Variants in CMSS1 observed in about 807,000 individuals in gnomAD.
CMSS1 encodes the protein cms1 ribosomal small subunit homolog.
Under a neutral mutation model 43.5 loss-of-function variants are expected in CMSS1, and 33 were observed. The observed-to-expected ratio is 0.76, with a 90% CI of 0.57 to 1.01. The LOEUF is 1.01. Among genes scored for constraint, CMSS1 ranks in the 50% least tolerant of loss-of-function variants. The pLI is 0.00. For synonymous variants in CMSS1, 115 were observed against 117.2 expected (o/e 0.98, Z 0.12); for missense variants, 313 against 326.4 (o/e 0.96, Z 0.32).
chr3:99,983,460 G>GTATA (rs1709214926), intron 1 of CMSS1, among the ~76,000 whole-genome samples: 2 of 69,492 alleles, frequency 2.9e-5, no homozygotes, highest in African/African-American at 2.1e-4. Context: ...ATATATATAT[G>GTATA]TGTGTATATA....
At chr3:100,141,199 G>C (rs1463704043) in intron 1 of CMSS1, among the ~76,000 whole-genome samples, 1 of 152,192 alleles carries the variant, frequency 6.6e-6, no homozygotes, top group African/African-American at 2.4e-5. Context: ...TGCCCACTTT[G>C]TGTCAGAATG....
chr3:99,929,851 C>T, intron 1 of CMSS1: 3 of 1,608,442 alleles, frequency 1.9e-6, no homozygotes, highest in Non-Finnish European at 2.5e-6. Flanking sequence ...TATTGTGGTA[C>T]ATACCTCATT....
Position 100,167,726 on chromosome 3 carries a change from T to A in CMSS1, c.416-12T>A. 1 of 1,579,862 alleles carries A rather than the reference T, an allele frequency of 6.3e-7. No homozygotes were observed. Among genetic ancestry groups the A allele is most frequent in the Non-Finnish European group, 8.7e-7 (1 of 1,154,928 alleles). On this transcript the variant is annotated splice_polypyrimidine_tract_variant and intron_variant, in intron 5 of 9. Transcript: ENST00000421999. ...CATATTTCAAATAATTGTTTTCTGTTCTTTTTTCCAGTTTGTCCTAAGTGG... is the reference window on the plus strand; with the variant it reads ...CATATTTCAAATAATTGTTTTCTGTACTTTTTTCCAGTTTGTCCTAAGTGG...
At chr3:99,882,560 ATCT>A (rs1218325910) in intron 1 of CMSS1, among the ~76,000 whole-genome samples, 2 of 152,208 alleles carry the variant, frequency 1.3e-5, no homozygotes, top group Admixed American at 6.5e-5. Context: ...AAAACATCTG[ATCT>A]TCTTATTGCC....
At position 99,866,450 on chromosome 3, in the gene CMSS1, C is replaced by T. The variant is rs147513926; in HGVS notation, c.64+48407C>T. Among the ~76,000 whole-genome samples the T allele has an allele frequency of 4.5e-3, 685 of 152,252 alleles. 7 individuals are homozygous for T. Among genetic ancestry groups the T allele is most frequent in the African/African-American group, 0.016 (672 of 41,566 alleles). On this transcript the variant is annotated intron_variant, in intron 1 of 9. Coordinates refer to ENST00000421999, the MANE Select transcript of CMSS1 (RefSeq NM_032359.4). ...AGATGCCTATGTTTTACTGTGACTACTGAAGTCACAGTTTGCCATAGAAAC... is the reference window on the plus strand; with the variant it reads ...AGATGCCTATGTTTTACTGTGACTATTGAAGTCACAGTTTGCCATAGAAAC...
intron 1 of CMSS1, chr3:99,830,287 T>G (rs776899934): frequency 1.2e-5 from 4 of 344,644 alleles, no homozygotes; most frequent in African/African-American, 2.1e-5. Flanking sequence ...GGGGATGATC[T>G]TCATCAGGTC....
At chr3:99,969,511 A>G (rs1386025439) in intron 1 of CMSS1, among the ~76,000 whole-genome samples, 1 of 152,194 alleles carries the variant, frequency 6.6e-6, no homozygotes, top group African/African-American at 2.4e-5. Context: ...CTACGTTTGA[A>G]TTGATTCTAA....
At chr3:100,072,829 A>G (rs1260278019) in intron 1 of CMSS1, among the ~76,000 whole-genome samples, 5 of 152,150 alleles carry the variant, frequency 3.3e-5, no homozygotes, top group South Asian at 2.1e-4. Context: ...AGTCACTTCA[A>G]TACAAGAAAT....
At position 99,943,612 on chromosome 3, in the gene CMSS1, G is replaced by A. The variant is rs564044835; in HGVS notation, c.64+125569G>A. Among the ~76,000 whole-genome samples, 23 of 152,164 alleles carry A rather than the reference G, an allele frequency of 1.5e-4. No homozygotes were observed. The East Asian group carries it at 3.7e-3, about 24-fold the overall frequency. On this transcript the variant is annotated intron_variant, in intron 1 of 9. Coordinates refer to ENST00000421999, the MANE Select transcript of CMSS1 (RefSeq NM_032359.4). The stretch of plus-strand genomic sequence containing the variant: ...CCAGCTACTCGGGAGGCTGAGGCAG[G>A]AGAATCGCTTGAACCCGGGAGGTGG...
intron 1 of CMSS1, among the ~76,000 whole-genome samples, chr3:100,121,251 C>T (rs879217137): frequency 6.7e-6 from 1 of 148,698 alleles, no homozygotes; most frequent in South Asian, 2.2e-4. Flanking sequence ...TAGCCCCCCA[C>T]CCCCCTACAG....
chr3:99,883,823 T>A (rs1431138285), intron 1 of CMSS1, among the ~76,000 whole-genome samples: 2 of 152,144 alleles, frequency 1.3e-5, no homozygotes, highest in African/African-American at 4.8e-5. Flanking sequence ...AATAACCCTA[T>A]GGGATAGATA....
chr3:100,145,301 C>T (rs148721829), intron 1 of CMSS1, among the ~76,000 whole-genome samples: 5 of 152,020 alleles, frequency 3.3e-5, no homozygotes, highest in South Asian at 2.1e-4. Flanking sequence ...ATTAGCCAGG[C>T]GCCAGGCATG....
At chr3:100,140,814 A>AT (rs530855071) in intron 1 of CMSS1, among the ~76,000 whole-genome samples, 2 of 152,012 alleles carry the variant, frequency 1.3e-5, no homozygotes, top group Non-Finnish European at 2.9e-5. Context: ...AAGAAAAAAA[A>AT]TTTTTTTAAT....
chr3:100,084,019 T>C (rs1576036385), intron 1 of CMSS1, among the ~76,000 whole-genome samples: 1 of 152,210 alleles, frequency 6.6e-6, no homozygotes, highest in Admixed American at 6.5e-5. Flanking sequence ...ATTTGTGTTA[T>C]TTCTTCCTTT....
chr3:100,127,002 A>G (rs1260091257), intron 1 of CMSS1, among the ~76,000 whole-genome samples: 1 of 152,108 alleles, frequency 6.6e-6, no homozygotes, highest in African/African-American at 2.4e-5. Flanking sequence ...CGTCTCAAAA[A>G]AAAAAAAAGA....
At chr3:99,846,284 T>C (rs1943362540) in intron 1 of CMSS1, among the ~76,000 whole-genome samples, 1 of 152,254 alleles carries the variant, frequency 6.6e-6, no homozygotes, top group Non-Finnish European at 1.5e-5. Flanking sequence ...TATGCCATTA[T>C]GTGACAAAGT....
intron 8 of CMSS1, among the ~76,000 whole-genome samples, chr3:100,175,869 A>C (rs1018658294): frequency 1.3e-5 from 2 of 152,138 alleles, no homozygotes; most frequent in Non-Finnish European, 1.5e-5. Context: ...ATTCATCTCA[A>C]CTTCCTTTTC....
intron 1 of CMSS1, among the ~76,000 whole-genome samples, chr3:99,902,094 G>T (rs917412509): frequency 6.6e-6 from 1 of 151,986 alleles, no homozygotes; most frequent in Admixed American, 6.6e-5. Flanking sequence ...TAAATGATTG[G>T]CTTGCTTTCA....
intron 1 of CMSS1, among the ~76,000 whole-genome samples, chr3:100,020,314 T>C (rs2064784646): frequency 6.6e-6 from 1 of 152,198 alleles, no homozygotes; most frequent in Admixed American, 6.5e-5. Context: ...TAGGACTTGG[T>C]GCCATGGTTT....
Sources: allele counts gnomAD v4.1 joint callset (sites outside exome capture counted in the v4.1 genomes callset), GRCh38; gene constraint gnomAD v4.1.1; transcripts MANE v1.5; gene names NCBI Gene and HGNC (gene_info 2026-07-23, HGNC 2026-07-21).